SNTG1: variants seen among roughly 807,000 people sequenced by gnomAD.
The protein encoded by SNTG1 is syntrophin gamma 1.
In SNTG1, 39 loss-of-function variants were observed where a neutral mutation model predicts 74.7. The observed-to-expected ratio is 0.52, with a 90% CI of 0.40 to 0.68. SNTG1 has a LOEUF of 0.68. Ranked by LOEUF, SNTG1 falls within the 30% of genes least tolerant of loss-of-function variation. SNTG1 has a pLI of 0.00. For synonymous variants in SNTG1, 254 were observed against 217.1 expected (o/e 1.17, Z -1.49); for missense variants, 685 against 609.5 (o/e 1.12, Z -1.30).
In SNTG1 at chr8:50,502,876, T is replaced by C; in HGVS notation, c.462T>C (p.Cys154=). The C allele has an allele frequency of 6.2e-7, 1 of 1,610,996 alleles. No individual in the cohort carries two copies. The highest frequency in any genetic ancestry group is 8.5e-7 in the Non-Finnish European group (1 of 1,177,544). ...AFLKLPLNED[C]ACAPSDQSSG... is the part of the protein sequence containing the mutation. The stretch of plus-strand genomic sequence containing the variant: ...TCAAACTCCCATTGAATGAAGATTG[T>C]GCATGTAAGCATTTATAAAGAATAG... Residue 154 remains cysteine (C), a synonymous_variant, in exon 9 of 19, where the codon TGT becomes TGC. Coordinates refer to ENST00000642720, the MANE Select transcript of SNTG1 (RefSeq NM_018967.5).
intron 2 of SNTG1, among the ~76,000 whole-genome samples, chr8:50,325,530 T>C (rs2090710812): frequency 6.6e-6 from 1 of 152,072 alleles, no homozygotes; most frequent in African/African-American, 2.4e-5. Flanking sequence ...ATTCATGGTA[T>C]ATAGAAAAGT....
chr8:50,338,338 C>T (rs1376580052), intron 2 of SNTG1, among the ~76,000 whole-genome samples: 2 of 152,082 alleles, frequency 1.3e-5, no homozygotes, highest in African/African-American at 4.8e-5. Flanking sequence ...CTACTCACAT[C>T]AGTTTCTTTT....
At chr8:50,365,999 A>G (rs1229684861) in intron 2 of SNTG1, among the ~76,000 whole-genome samples, 1 of 152,170 alleles carries the variant, frequency 6.6e-6, no homozygotes, top group African/African-American at 2.4e-5. Context: ...TGTATTTTAA[A>G]CACCCAAATT....
chr8:50,776,671 CT>C, intron 18 of SNTG1, among the ~76,000 whole-genome samples: 1 of 151,592 alleles, frequency 6.6e-6, no homozygotes, highest in Admixed American at 6.6e-5. Context: ...TTAAGGATCA[CT>C]TTTCTTACCA....
intron 2 of SNTG1, among the ~76,000 whole-genome samples, chr8:50,310,426 C>G (rs980524978): frequency 3.3e-5 from 5 of 152,126 alleles, no homozygotes; most frequent in African/African-American, 1.2e-4. Context: ...TGGTGGCTCA[C>G]GCATGTAATC....
At chr8:50,322,339 TTAAG>T (rs2090564623) in intron 2 of SNTG1, among the ~76,000 whole-genome samples, 7 of 152,288 alleles carry the variant, frequency 4.6e-5, no homozygotes, top group South Asian at 4.1e-4. Flanking sequence ...CTTCAGCACT[TTAAG>T]TATACCATGT....
chr8:50,479,810 A>C (rs1283139504), intron 8 of SNTG1, among the ~76,000 whole-genome samples: 2 of 152,120 alleles, frequency 1.3e-5, no homozygotes, highest in African/African-American at 4.8e-5. Context: ...TCTCATGTTA[A>C]ATTACCATTT....
rs150352686 is a variant in SNTG1, at chr8:50,250,427, T to A, written c.-28+77792T>A. Among the ~76,000 whole-genome samples the A allele has an allele frequency of 4.5e-3, 682 of 152,196 alleles. 7 individuals carry two copies. The highest frequency in any genetic ancestry group is 0.016 in the African/African-American group (652 of 41,554). ...TACTTATAGCTGAAAAGTTCCCAAG[T>A]CTTAGGGGAGATATGGACATCCATG... On this transcript the variant is annotated intron_variant, in intron 2 of 18. Coordinates refer to ENST00000642720, the MANE Select transcript of SNTG1 (RefSeq NM_018967.5).
At chr8:50,158,434 G>A (rs1018919891) in intron 1 of SNTG1, among the ~76,000 whole-genome samples, 1 of 152,086 alleles carries the variant, frequency 6.6e-6, no homozygotes, top group African/African-American at 2.4e-5. Context: ...CCCAGGGATT[G>A]ACAATACTCA....
chr8:50,674,314 T>A (rs934784026), intron 15 of SNTG1, among the ~76,000 whole-genome samples: 1 of 152,142 alleles, frequency 6.6e-6, no homozygotes, highest in African/African-American at 2.4e-5. Flanking sequence ...CTGGGCTTTT[T>A]TTGGTTGGTA....
At chr8:50,181,172 T>G (rs771681795) in intron 2 of SNTG1, among the ~76,000 whole-genome samples, 1 of 152,168 alleles carries the variant, frequency 6.6e-6, no homozygotes, top group Non-Finnish European at 1.5e-5. Flanking sequence ...GCCAGCATTG[T>G]TGGTGGTGAT....
chr8:50,667,970 G>A (rs2131324951), intron 15 of SNTG1, among the ~76,000 whole-genome samples: 1 of 151,998 alleles, frequency 6.6e-6, no homozygotes, highest in African/African-American at 2.4e-5. Flanking sequence ...AAACGTTACA[G>A]GCCGTGCACT....
intron 13 of SNTG1, among the ~76,000 whole-genome samples, chr8:50,601,068 G>A (rs991391884): frequency 7.0e-6 from 1 of 143,194 alleles, no homozygotes; most frequent in African/African-American, 2.6e-5. Flanking sequence ...CTGCTTGGGA[G>A]AATCGCTTGA....
intron 1 of SNTG1, among the ~76,000 whole-genome samples, chr8:50,074,604 T>C (rs1821661774): frequency 6.6e-6 from 1 of 152,186 alleles, no homozygotes; most frequent in South Asian, 2.1e-4. Flanking sequence ...ATAATTATTA[T>C]AGTAACATTA....
At chr8:50,775,041 C>A (rs2095636809) in intron 18 of SNTG1, among the ~76,000 whole-genome samples, 1 of 149,824 alleles carries the variant, frequency 6.7e-6, no homozygotes, top group African/African-American at 2.4e-5. Context: ...GTGTTATAAC[C>A]CCCAAAATAA....
At chr8:49,957,296 C>A (rs945789037) in intron 1 of SNTG1, among the ~76,000 whole-genome samples, 2 of 152,172 alleles carry the variant, frequency 1.3e-5, no homozygotes, top group Non-Finnish European at 2.9e-5. Flanking sequence ...AAATGCCATT[C>A]CCCTGAGCTA....
chr8:50,551,679 T>G (rs1232133016), intron 11 of SNTG1, among the ~76,000 whole-genome samples: 13 of 152,204 alleles, frequency 8.5e-5, no homozygotes, highest in Non-Finnish European at 5.9e-5. Context: ...TCATTCAATG[T>G]GTATGCTGTC....
intron 1 of SNTG1, among the ~76,000 whole-genome samples, chr8:49,994,855 C>A (rs1403182487): frequency 6.6e-6 from 1 of 152,026 alleles, no homozygotes; most frequent in Non-Finnish European, 1.5e-5. Context: ...GCTACTTTTT[C>A]ATTTCATTTA....
intron 18 of SNTG1, among the ~76,000 whole-genome samples, chr8:50,760,337 C>A (rs1417728375): frequency 6.6e-6 from 1 of 151,964 alleles, no homozygotes; most frequent in East Asian, 1.9e-4. Context: ...CCCTTTATTT[C>A]TTTTGACTGA....
Sources: allele counts gnomAD v4.1 joint callset (sites outside exome capture counted in the v4.1 genomes callset), GRCh38; gene constraint gnomAD v4.1.1; transcripts MANE v1.5; gene names NCBI Gene and HGNC (gene_info 2026-07-23, HGNC 2026-07-21).